The following TBC1D23 variants were observed in gnomAD, a reference collection of about 807,000 sequenced individuals.
TBC1D23 encodes the protein HCV non-structural protein 4A-transactivated protein 1.
Under a neutral mutation model 91.4 loss-of-function variants are expected in TBC1D23, and 55 were observed. That is an observed-to-expected ratio of 0.60 (90% CI 0.48 to 0.75). The LOEUF is 0.75. Ranked by LOEUF, TBC1D23 falls within the 30% of genes least tolerant of loss-of-function variation. The pLI is 0.00. For synonymous variants in TBC1D23, 289 were observed against 281.0 expected, an observed-to-expected ratio of 1.03 and a Z score of -0.28; for missense variants, 725 against 836.1, an observed-to-expected ratio of 0.87 and a Z score of 1.64.
chr3:100,298,928 C>T (rs1046579351), intron 9 of TBC1D23, among the ~76,000 whole-genome samples: 6 of 152,012 alleles, frequency 3.9e-5, no homozygotes, highest in East Asian at 3.9e-4. Context: ...AACTATATAG[C>T]GTTTTATAAT....
At chr3:100,266,566 G>A (rs1354451788) in intron 1 of TBC1D23, among the ~76,000 whole-genome samples, 1 of 152,202 alleles carries the variant, frequency 6.6e-6, no homozygotes, top group Non-Finnish European at 1.5e-5. Context: ...ACTGCACCCA[G>A]CCTAAAGGTA....
At position 100,288,087 on chromosome 3, in the gene TBC1D23, T is replaced by A. The variant is rs191087268; in HGVS notation, c.477-2491T>A. ...TGAGACCCTGATCCTACAAAAAAAA[T>A]TTTTTTAATTAGCCAGGCATGAGGG... is the stretch of plus-strand genomic sequence containing the variant. On this transcript the variant is annotated intron_variant, in intron 4 of 18. Transcript: ENST00000394144. Among the ~76,000 whole-genome samples, 1,025 of 151,538 alleles carry A rather than the reference T, an allele frequency of 6.8e-3. 15 individuals carry two copies. Among genetic ancestry groups the A allele is most frequent in the African/African-American group, 0.024 (975 of 41,270 alleles).
At chr3:100,277,081 C>T (rs972201148) in intron 1 of TBC1D23, among the ~76,000 whole-genome samples, 2 of 152,140 alleles carry the variant, frequency 1.3e-5, no homozygotes, top group African/African-American at 4.8e-5. Context: ...CCCACTCATA[C>T]CACACCAGAC....
intron 8 of TBC1D23, among the ~76,000 whole-genome samples, chr3:100,297,492 G>T (rs534269116): frequency 6.6e-6 from 1 of 152,192 alleles, no homozygotes; most frequent in African/African-American, 2.4e-5. Flanking sequence ...TTCAAGAGCT[G>T]CACCTTTTAT....
chr3:100,298,766 T>C (rs1705355645), intron 9 of TBC1D23, among the ~76,000 whole-genome samples: 1 of 152,212 alleles, frequency 6.6e-6, no homozygotes, highest in African/African-American at 2.4e-5. Flanking sequence ...AAGAGATCCA[T>C]GTGAACTTCT....
chr3:100,311,857 A>G lies in TBC1D23; in HGVS notation c.1578A>G (p.Pro526=), dbSNP rs1365004178. Reference sequence around the variant, plus strand: ...GAATGTCTTTCAATCTTCCTTGGCCAGACAGATCATGTACAGAGCGGTAAG... The same window carrying G: ...GAATGTCTTTCAATCTTCCTTGGCCGGACAGATCATGTACAGAGCGGTAAG... ...VDRMSFNLPW[P]DRSCTERHVS... The change falls in exon 15 of 19, where the codon CCA becomes CCG. Residue 526 remains proline, a synonymous_variant. Coordinates refer to ENST00000394144, the MANE Select transcript of TBC1D23 (RefSeq NM_001199198.3). 3 of 1,535,562 alleles carry G rather than the reference A, an allele frequency of 2.0e-6. No homozygotes were observed. Among genetic ancestry groups the G allele is most frequent in the Non-Finnish European group, 2.6e-6 (3 of 1,146,048 alleles).
intron 17 of TBC1D23, among the ~76,000 whole-genome samples, chr3:100,320,485 A>G (rs1705832374): frequency 6.6e-6 from 1 of 152,104 alleles, no homozygotes; most frequent in Non-Finnish European, 1.5e-5. Context: ...ACTCCATTTC[A>G]ATAAAAAATA....
Position 100,302,090 on chromosome 3 carries a change from T to C in TBC1D23, c.1116T>C (p.Phe372=), listed in dbSNP as rs369220582. ...SDLMLQNPSE[F]AQSVKSLLEA... ...AGATGCTTCAGAATCCATCTGAGTT[T>C]GCACAGTCAGTAAAATCCTTGCTGG... is the stretch of plus-strand genomic sequence containing the variant. Residue 372 remains phenylalanine, a synonymous_variant, in exon 11 of 19, where the codon TTT becomes TTC. Coordinates refer to ENST00000394144, the MANE Select transcript of TBC1D23 (RefSeq NM_001199198.3). The C allele has an allele frequency of 1.5e-5, 24 of 1,613,090 alleles. No individual in the cohort carries two copies. The highest frequency in any genetic ancestry group is 1.9e-5 in the Non-Finnish European group (23 of 1,179,686).
rs112201020 is a variant in TBC1D23, at chr3:100,296,644, G to C, written c.876+369G>C. On this transcript the variant is annotated intron_variant, in intron 8 of 18. Transcript: ENST00000394144. ...GGAGGCCAAGGTGGGTGGATCACGA[G>C]GTCGGGAGATCGAGACCATCCTGGC... Among the ~76,000 whole-genome samples, 129 of 152,132 alleles carry C rather than the reference G, an allele frequency of 8.5e-4. 1 individual carries two copies. The highest frequency in any genetic ancestry group is 3.0e-3 in the African/African-American group (123 of 41,514).
At chr3:100,262,903 C>G (rs1420592414) in intron 1 of TBC1D23, among the ~76,000 whole-genome samples, 1 of 152,078 alleles carries the variant, frequency 6.6e-6, no homozygotes, top group African/African-American at 2.4e-5. Context: ...TCAATTTGGT[C>G]TAGCCACATT....
chr3:100,276,806 T>A (rs960453951), intron 1 of TBC1D23, among the ~76,000 whole-genome samples: 3 of 152,210 alleles, frequency 2.0e-5, no homozygotes, highest in African/African-American at 7.2e-5. Context: ...CATACGTTAA[T>A]AGTTTCAAAG....
In TBC1D23 at chr3:100,279,656, G is replaced by C; in HGVS notation, c.61G>C (p.Asp21His). The C allele has an allele frequency of 6.3e-7, 1 of 1,590,750 alleles. No individual in the cohort carries two copies. The highest frequency in any genetic ancestry group is 8.6e-7 in the Non-Finnish European group (1 of 1,165,778). ...PTSSGDGWEK[D>H]LEEALEAGGC... The stretch of plus-strand genomic sequence containing the variant: ...ATAGGACTTATTTTTTAGGGAAAAA[G>C]ATCTTGAAGAAGCTCTGGAAGCAGG... Residue 21 changes from aspartate to histidine, a missense_variant, in exon 2 of 19, where the codon GAT becomes CAT. Asp to His is a moderately conservative substitution (Grantham distance 81, BLOSUM62 -1). Transcript: ENST00000394144.
chr3:100,323,201 G>A (rs543995344), intron 18 of TBC1D23, among the ~76,000 whole-genome samples: 28 of 152,170 alleles, frequency 1.8e-4, no homozygotes, highest in Admixed American at 1.6e-3. Flanking sequence ...CATTGTCTTT[G>A]GAATTGGATA....
At chr3:100,311,551 G>T (rs1415813767) in intron 14 of TBC1D23, among the ~76,000 whole-genome samples, 1 of 152,058 alleles carries the variant, frequency 6.6e-6, no homozygotes, top group Non-Finnish European at 1.5e-5. Context: ...TGAGTTGGAG[G>T]ACTATTATTG....
intron 4 of TBC1D23, among the ~76,000 whole-genome samples, chr3:100,286,501 C>CTTTTTTTTTTTTTTTTTT (rs11370481): frequency 1.0e-4 from 15 of 146,354 alleles, no homozygotes; most frequent in Non-Finnish European, 1.5e-4. Flanking sequence ...AACATATCTT[C>CTTTTTTTTTTTTTTTTTT]TTTTTTTTTT....
In TBC1D23 at chr3:100,316,165, G is replaced by A; in HGVS notation, c.1665G>A (p.Gly555=). ...YRGVKPVFSI[G]DEEEYDTDEI... The stretch of plus-strand genomic sequence containing the variant: ...GCGTAAAGCCTGTTTTCAGCATTGG[G>A]GATGAAGAAGAATACGACACAGGTG... The change falls in exon 16 of 19, where the codon GGG becomes GGA. Residue 555 remains glycine, a synonymous_variant. Coordinates refer to ENST00000394144, the MANE Select transcript of TBC1D23 (RefSeq NM_001199198.3). 2.5e-6 allele frequency: 4 copies of A among 1,613,830 alleles called. No individual in the cohort carries two copies. Among genetic ancestry groups the A allele is most frequent in the Non-Finnish European group, 2.5e-6 (3 of 1,179,752 alleles).
rs138612426 is a variant in TBC1D23, at chr3:100,309,162, G to A, written c.1414-1241G>A. Among the ~76,000 whole-genome samples, 713 of 151,742 alleles carry A rather than the reference G, an allele frequency of 4.7e-3. 2 individuals are homozygous for A. The highest frequency in any genetic ancestry group is 6.4e-3 in the Non-Finnish European group (433 of 67,952). On this transcript the variant is annotated intron_variant, in intron 13 of 18. Transcript: ENST00000394144. ...GCACTCCAACCTGGGCAACAGAGCA[G>A]GACTCTGTCTCAAAACAACAACAAC...
At chr3:100,308,579 A>C (rs765166977) in intron 13 of TBC1D23, among the ~76,000 whole-genome samples, 1 of 152,232 alleles carries the variant, frequency 6.6e-6, no homozygotes, top group Non-Finnish European at 1.5e-5. Context: ...GTTACCAGAG[A>C]TAATTTTGCC....
At chr3:100,281,030 G>A (rs1415416417) in intron 2 of TBC1D23, among the ~76,000 whole-genome samples, 4 of 152,024 alleles carry the variant, frequency 2.6e-5, no homozygotes, top group Non-Finnish European at 5.9e-5. Context: ...CGTGGTGGTG[G>A]GTGCCTGTAG....
Sources: allele counts gnomAD v4.1 joint callset (sites outside exome capture counted in the v4.1 genomes callset), GRCh38; gene constraint gnomAD v4.1.1; transcripts MANE v1.5; gene names NCBI Gene and HGNC (gene_info 2026-07-23, HGNC 2026-07-21).